Variants in ABCD3 observed in about 807,000 individuals in gnomAD.
ABCD3 encodes the protein ATP-binding cassette sub-family D member 3.
A neutral mutation model predicts 105.5 loss-of-function variants in ABCD3; 41 were observed. The ratio of observed to expected loss-of-function variants is 0.39; its 90% CI spans 0.30 to 0.50. The LOEUF is 0.50. Among genes scored for constraint, ABCD3 ranks in the 20% least tolerant of loss-of-function variants. The probability of loss-of-function intolerance (pLI) is 0.84; values close to 1 mark genes in which losing one functional copy is unlikely to be tolerated. For missense variants in ABCD3, 622 were observed against 806.3 expected, an observed-to-expected ratio of 0.77 and a Z score of 2.77; for synonymous variants, 258 against 269.0, an observed-to-expected ratio of 0.96 and a Z score of 0.40.
upstream of ABCD3, among the ~76,000 whole-genome samples, chr1:94,414,994 C>T (rs1658972212): frequency 6.6e-6 from 1 of 152,128 alleles, no homozygotes; most frequent in Non-Finnish European, 1.5e-5. Flanking sequence ...GATCTGCTTC[C>T]AAGATGGCCC....
chr1:94,517,020 TACTG>T, intron 22 of ABCD3, 28 bp from the exon 23 acceptor site: 1 of 1,440,872 alleles, frequency 6.9e-7, no homozygotes, highest in Non-Finnish European at 9.8e-7. Context: ...CACTCTTAGT[TACTG>T]ACTTTTTTTC....
chr1:94,510,952 C>T (rs1343968667), intron 21 of ABCD3, among the ~76,000 whole-genome samples: 3 of 152,182 alleles, frequency 2.0e-5, no homozygotes, highest in Non-Finnish European at 2.9e-5. Flanking sequence ...TCCAATTTGC[C>T]AGTCTGTGTC....
At chr1:94,423,852 A>G (rs1186540222) in intron 1 of ABCD3, among the ~76,000 whole-genome samples, 2 of 152,204 alleles carry the variant, frequency 1.3e-5, no homozygotes, top group East Asian at 3.9e-4. Flanking sequence ...CTTTCCTGCA[A>G]ACTTCAAAAT....
At chr1:94,470,666 G>T (rs780913472) in intron 4 of ABCD3, among the ~76,000 whole-genome samples, 12 of 151,912 alleles carry the variant, frequency 7.9e-5, no homozygotes, top group Non-Finnish European at 1.6e-4. Context: ...TGTTTAAAAA[G>T]AAATTATTCC....
chr1:94,453,708 T>A (rs1647385246), intron 1 of ABCD3, among the ~76,000 whole-genome samples: 1 of 151,934 alleles, frequency 6.6e-6, no homozygotes, highest in Non-Finnish European at 1.5e-5. Context: ...TTTTACCTTT[T>A]TTTTTTTCAA....
intron 1 of ABCD3, among the ~76,000 whole-genome samples, chr1:94,449,554 C>T (rs574670493): frequency 4.6e-5 from 7 of 152,244 alleles, no homozygotes; most frequent in East Asian, 1.9e-4. Flanking sequence ...CAGTATTTAC[C>T]GTAATGAATC....
intron 1 of ABCD3, among the ~76,000 whole-genome samples, chr1:94,442,342 A>G (rs972550306): frequency 2.6e-5 from 4 of 152,190 alleles, no homozygotes; most frequent in Non-Finnish European, 4.4e-5. Flanking sequence ...ATGGAACACT[A>G]TTTTATAGTT....
At chr1:94,474,797 G>A (rs1253928126) in intron 5 of ABCD3, among the ~76,000 whole-genome samples, 1 of 150,772 alleles carries the variant, frequency 6.6e-6, no homozygotes, top group Non-Finnish European at 1.5e-5. Flanking sequence ...GCTGATAGTA[G>A]GAAACAGAAA....
chr1:94,389,003 G>A, the ABCD3 span, among the ~76,000 whole-genome samples: 1 of 152,056 alleles, frequency 6.6e-6, no homozygotes, highest in African/African-American at 2.4e-5. Flanking sequence ...ACCATATTGG[G>A]CAAGCTTTGC....
At chr1:94,491,378 T>C (rs929850328) in intron 16 of ABCD3, 131 bp downstream of exon 16, 3 of 729,774 alleles carry the variant, frequency 4.1e-6, no homozygotes, top group Non-Finnish European at 6.9e-6. Flanking sequence ...CTTTAAAAAG[T>C]AAGTCTTTGA....
chr1:94,514,884 G>T, intron 21 of ABCD3: 1 of 415,310 alleles, frequency 2.4e-6, no homozygotes, highest in Non-Finnish European at 4.4e-6. Context: ...AATAAAATAG[G>T]AGACATGATA....
chr1:94,387,065 G>A, the ABCD3 span, among the ~76,000 whole-genome samples: 2 of 152,038 alleles, frequency 1.3e-5, no homozygotes, highest in Non-Finnish European at 2.9e-5. Flanking sequence ...TTTAGCTTTG[G>A]TTCTGTATTT....
At chr1:94,444,306 G>T (rs55801886) in intron 1 of ABCD3, among the ~76,000 whole-genome samples, 54,352 of 144,630 alleles carry the variant, frequency 0.38, 11,179 homozygotes, top group Middle Eastern at 0.53. Context: ...TACTCTAGCC[G>T]GGGGGGCAGA....
At chr1:94,454,528 G>T (rs1182905366) in intron 1 of ABCD3, among the ~76,000 whole-genome samples, 2 of 151,834 alleles carry the variant, frequency 1.3e-5, no homozygotes, top group Non-Finnish European at 2.9e-5. Flanking sequence ...TGAGGGAGGG[G>T]GTCAGAGAAA....
the ABCD3 span, among the ~76,000 whole-genome samples, chr1:94,396,762 T>C: frequency 6.6e-6 from 1 of 152,204 alleles, no homozygotes; most frequent in Non-Finnish European, 1.5e-5. Context: ...AAGGCTTTCC[T>C]GTGGGCCCAT....
intron 9 of ABCD3, 193 bp from the exon 10 acceptor site, chr1:94,482,977 A>G: frequency 8.5e-6 from 5 of 586,748 alleles, no homozygotes; most frequent in Non-Finnish European, 1.5e-5. Flanking sequence ...TCAGGAGTGT[A>G]TTCCTGTGCT....
At chr1:94,488,014 A>T in intron 13 of ABCD3, 31 bp downstream of exon 13, 8 of 1,525,768 alleles carry the variant, frequency 5.2e-6, no homozygotes, top group Non-Finnish European at 7.3e-6. Context: ...CTGTTGCAGA[A>T]AATAATTTTT....
At position 94,455,831 on chromosome 1, in the gene ABCD3, A is replaced by G. The variant is rs1350880808; in HGVS notation, c.111-2776A>G. 7 of 1,279,508 alleles carry G rather than the reference A, an allele frequency of 5.5e-6. No homozygotes were observed. The Admixed American group carries it at 1.2e-4, about 22-fold the overall frequency. 79.3% of individuals were successfully genotyped at this position (1,279,508 alleles called of 1,614,324 possible). A position where few individuals can be genotyped will look rare whatever the true frequency, so the allele number is the denominator to read the frequency against. Reference sequence around the variant, plus strand: ...TAGGTGTGTGTGTACATGTGTATATATATATTTTTGTGAGCATCGTACTGC... The same window carrying G: ...TAGGTGTGTGTGTACATGTGTATATGTATATTTTTGTGAGCATCGTACTGC... On this transcript the variant is annotated intron_variant, in intron 1 of 22. Coordinates refer to ENST00000370214, the MANE Select transcript of ABCD3 (RefSeq NM_002858.4).
intron 1 of ABCD3, among the ~76,000 whole-genome samples, chr1:94,424,824 G>T (rs943609256): frequency 6.6e-6 from 1 of 152,100 alleles, no homozygotes; most frequent in Non-Finnish European, 1.5e-5. Context: ...CTTGTCTGTT[G>T]TATATGTTTG....
Sources: gnomAD v4.1 joint callset for allele counts (sites outside exome capture counted in the v4.1 genomes callset) on GRCh38, gnomAD v4.1.1 for gene constraint, MANE v1.5 for transcripts, NCBI Gene and HGNC (gene_info 2026-07-23, HGNC 2026-07-21) for gene names.